Variants in PARN observed in about 807,000 individuals in gnomAD.
The protein encoded by PARN is poly(A)-specific ribonuclease, also known as poly(A)-specific ribonuclease PARN.
Under a neutral mutation model 102.8 loss-of-function variants are expected in PARN, and 71 were observed. That is an observed-to-expected ratio of 0.69 (90% CI 0.57 to 0.84). PARN has a LOEUF of 0.84. Ranked by LOEUF, PARN falls within the 40% of genes least tolerant of loss-of-function variation. PARN has a pLI of 0.00. For missense variants in PARN, 782 were observed against 760.9 expected (o/e 1.03, Z -0.33); for synonymous variants, 261 against 252.9 (o/e 1.03, Z -0.30).
intron 22 of PARN, among the ~76,000 whole-genome samples, chr16:14,480,122 C>A (rs1963299745): frequency 1.3e-5 from 2 of 151,976 alleles, no homozygotes; most frequent in South Asian, 4.2e-4. Context: ...CACTTGAGGC[C>A]AGGAGTTCGA....
intron 13 of PARN, among the ~76,000 whole-genome samples, chr16:14,591,115 G>A (rs1970170156): frequency 1.3e-5 from 2 of 152,092 alleles, no homozygotes; most frequent in African/African-American, 2.4e-5. Flanking sequence ...GGAAGGCCGG[G>A]CACAGTGGCT....
chr16:14,579,563 G>A (rs140867288), intron 18 of PARN, among the ~76,000 whole-genome samples: 2 of 151,926 alleles, frequency 1.3e-5, no homozygotes, highest in East Asian at 1.9e-4. Context: ...GAGCAAGACC[G>A]TGACTCAAAA....
intron 5 of PARN, among the ~76,000 whole-genome samples, chr16:14,619,662 G>A (rs1205135044): frequency 1.3e-5 from 2 of 152,048 alleles, no homozygotes; most frequent in African/African-American, 4.8e-5. Flanking sequence ...CCCACAGGCT[G>A]AGGTGGGAGA....
At chr16:14,598,334 T>C (rs1970652736) in intron 12 of PARN, among the ~76,000 whole-genome samples, 1 of 152,064 alleles carries the variant, frequency 6.6e-6, no homozygotes, top group Non-Finnish European at 1.5e-5. Context: ...AGAAGAAAGA[T>C]GTCAGAGAAA....
In PARN at chr16:14,436,779, G is replaced by T; in HGVS notation, c.1865-7C>A. 6.3e-7 allele frequency: 1 copy of T among 1,579,696 alleles called. No homozygotes were observed. ...CTGTTCTTCGAGATGCTTCCTGGTG[G>T]GAAAGAACAAAACAATATGAACAGC... is the stretch of plus-strand genomic sequence containing the variant. On this transcript the variant is annotated splice_region_variant and splice_polypyrimidine_tract_variant and intron_variant, in intron 23 of 23. Transcript: ENST00000437198.
intron 21 of PARN, among the ~76,000 whole-genome samples, chr16:14,526,466 C>G (rs1780062061): frequency 1.3e-5 from 2 of 152,112 alleles, no homozygotes; most frequent in African/African-American, 2.4e-5. Context: ...CATGAGCCAC[C>G]GTGCCCGGCC....
At chr16:14,506,593 T>C (rs1964905361) in intron 21 of PARN, among the ~76,000 whole-genome samples, 1 of 152,230 alleles carries the variant, frequency 6.6e-6, no homozygotes, top group Non-Finnish European at 1.5e-5. Context: ...TGTTCACATA[T>C]GTACATATTA....
chr16:14,524,045 T>C (rs1476791420), intron 21 of PARN, among the ~76,000 whole-genome samples: 1 of 152,124 alleles, frequency 6.6e-6, no homozygotes, highest in Non-Finnish European at 1.5e-5. Context: ...ATAGTAAAAA[T>C]ATGGTATTAC....
intron 18 of PARN, among the ~76,000 whole-genome samples, chr16:14,556,173 A>G (rs1251882891): frequency 6.8e-6 from 1 of 147,642 alleles, no homozygotes; most frequent in Non-Finnish European, 1.5e-5. Context: ...TATTATTATC[A>G]TTTTGAGACG....
At chr16:14,443,146 T>C (rs1007665533) in intron 23 of PARN, among the ~76,000 whole-genome samples, 3 of 152,212 alleles carry the variant, frequency 2.0e-5, no homozygotes, top group African/African-American at 7.2e-5. Context: ...ATAAAGGATG[T>C]TCCTAGCACT....
intron 6 of PARN, among the ~76,000 whole-genome samples, chr16:14,611,249 G>T (rs1971503703): frequency 1.3e-5 from 2 of 152,202 alleles, no homozygotes; most frequent in East Asian, 3.9e-4. Context: ...GGTTCCAGGA[G>T]CAGCAAGGAG....
intron 11 of PARN, among the ~76,000 whole-genome samples, chr16:14,603,082 G>C (rs1054236475): frequency 6.6e-6 from 1 of 151,896 alleles, no homozygotes; most frequent in African/African-American, 2.4e-5. Flanking sequence ...CACCACACCT[G>C]GATAATTTTT....
At position 14,529,772 on chromosome 16, in the gene PARN, T is replaced by A. The variant is rs535665334; in HGVS notation, c.1480+22249A>T. ...GACTATCATCCTCTTATGGAGCCCA[T>A]GAGGACTCGGCATCCCCTTCCTGTT... is the stretch of plus-strand genomic sequence containing the variant. On this transcript the variant is annotated intron_variant, in intron 21 of 23. Coordinates refer to ENST00000437198, the MANE Select transcript of PARN (RefSeq NM_002582.4). Among the ~76,000 whole-genome samples the A allele has an allele frequency of 2.0e-5, 3 of 152,254 alleles. No homozygotes were observed. In the East Asian group the frequency reaches 5.8e-4, roughly 29 times the overall value.
intron 22 of PARN, among the ~76,000 whole-genome samples, chr16:14,456,519 G>A (rs1961686556): frequency 6.6e-6 from 1 of 152,026 alleles, no homozygotes; most frequent in East Asian, 1.9e-4. Flanking sequence ...TTAGTTGGCT[G>A]GAACGTTCAT....
At chr16:14,624,726 C>A (rs1368631379) in intron 5 of PARN, among the ~76,000 whole-genome samples, 1 of 152,042 alleles carries the variant, frequency 6.6e-6, no homozygotes, top group East Asian at 1.9e-4. Context: ...TGAGACCAGC[C>A]CGACCGACAT....
At chr16:14,544,804 A>G (rs1423724332) in intron 21 of PARN, among the ~76,000 whole-genome samples, 1 of 152,210 alleles carries the variant, frequency 6.6e-6, no homozygotes, top group Non-Finnish European at 1.5e-5. Context: ...GACAAGATTA[A>G]AAGGGTAAAC....
chr16:14,459,155 G>C (rs1961835625), intron 22 of PARN, among the ~76,000 whole-genome samples: 1 of 152,198 alleles, frequency 6.6e-6, no homozygotes, highest in Non-Finnish European at 1.5e-5. Flanking sequence ...CAATGTACTA[G>C]AGGTCCTAGC....
At chr16:14,454,892 T>C (rs2151565899) in intron 22 of PARN, among the ~76,000 whole-genome samples, 1 of 152,354 alleles carries the variant, frequency 6.6e-6, no homozygotes, top group Non-Finnish European at 1.5e-5. Flanking sequence ...AGGGGTCAGT[T>C]CTATAAAGTA....
intron 11 of PARN, among the ~76,000 whole-genome samples, chr16:14,601,663 T>C (rs573730735): frequency 8.5e-5 from 13 of 152,128 alleles, no homozygotes; most frequent in African/African-American, 3.1e-4. Flanking sequence ...TAGCTCACGC[T>C]GGTAATCCCA....
Sources: allele counts gnomAD v4.1 joint callset (sites outside exome capture counted in the v4.1 genomes callset), GRCh38; gene constraint gnomAD v4.1.1; transcripts MANE v1.5; gene names NCBI Gene and HGNC (gene_info 2026-07-23, HGNC 2026-07-21).